Variants in CDH18 observed in about 807,000 individuals in gnomAD.
The protein encoded by CDH18 is cadherin-18.
A neutral mutation model predicts 67.9 loss-of-function variants in CDH18; 31 were observed. That is an observed-to-expected ratio of 0.46 (90% CI 0.34 to 0.62). The LOEUF (loss-of-function observed/expected upper bound fraction) is 0.62. CDH18 is among the 20% of genes least tolerant of loss of function. The pLI, the probability that CDH18 is intolerant of heterozygous loss-of-function variation, is 0.01. For synonymous variants in CDH18, 362 were observed against 347.2 expected (o/e 1.04, Z -0.48); for missense variants, 890 against 975.5 (o/e 0.91, Z 1.17).
rs1374495891 is a variant in CDH18 at position 19,717,614 on chromosome 5, C to T, written c.643+3733G>A. On this transcript the variant is annotated intron_variant, in intron 5 of 12. Transcript: ENST00000382275. ...TGATTTATTTTTAACTCAGTTTACA[C>T]TATAATAACTGAAGTAAGAGTGAGA... Among the ~76,000 whole-genome samples, 3 of 152,032 alleles carry T rather than the reference C, an allele frequency of 2.0e-5. No individual in the cohort carries two copies. In the East Asian group the frequency reaches 5.8e-4, roughly 29 times the overall value.
intron 1 of CDH18, among the ~76,000 whole-genome samples, chr5:20,424,286 T>C (rs764210480): frequency 3.3e-5 from 5 of 150,932 alleles, no homozygotes; most frequent in Non-Finnish European, 5.9e-5. Flanking sequence ...GGGAAAATAT[T>C]GTTTTCATCG....
chr5:20,466,690 A>G (rs1751655776), intron 1 of CDH18, among the ~76,000 whole-genome samples: 1 of 152,030 alleles, frequency 6.6e-6, no homozygotes, highest in South Asian at 2.1e-4. Flanking sequence ...GTGTTGCGTC[A>G]TCAGAGACTC....
At chr5:19,612,877 A>G (rs1329945037) in intron 5 of CDH18, among the ~76,000 whole-genome samples, 2 of 152,080 alleles carry the variant, frequency 1.3e-5, no homozygotes, top group Non-Finnish European at 2.9e-5. Context: ...GCGGTGGCTC[A>G]CGCCTGTAAT....
At chr5:20,260,037 A>G (rs562512861) in intron 1 of CDH18, among the ~76,000 whole-genome samples, 1 of 151,994 alleles carries the variant, frequency 6.6e-6, no homozygotes, top group Non-Finnish European at 1.5e-5. Context: ...TCAAAACGTC[A>G]AGAAGACTTA....
chr5:20,360,885 C>T (rs1742035050), intron 1 of CDH18, among the ~76,000 whole-genome samples: 1 of 152,016 alleles, frequency 6.6e-6, no homozygotes, highest in African/African-American at 2.4e-5. Context: ...TTTACCTCCT[C>T]ACTCACAAAA....
rs1427554807 is a variant in CDH18 at position 19,578,493 on chromosome 5, C to T, written c.1000-6661G>A. 2.0e-5 allele frequency among the ~76,000 whole-genome samples: 3 copies of T among 151,392 alleles called. 1 individual carries two copies. Among genetic ancestry groups the T allele is most frequent in the Non-Finnish European group, 4.4e-5 (3 of 67,856 alleles). On this transcript the variant is annotated intron_variant, in intron 7 of 12. Transcript: ENST00000382275. ...AAAATATTGTTATAATGTTTTCAAG[C>T]TGCTTATTTTCTATGTCTTTCATGT... is the stretch of plus-strand genomic sequence containing the variant.
chr5:20,047,007 A>C (rs972181040), intron 2 of CDH18, among the ~76,000 whole-genome samples: 2 of 151,498 alleles, frequency 1.3e-5, no homozygotes, highest in Non-Finnish European at 2.9e-5. Context: ...AGTATAATAC[A>C]AAAAAAACAA....
At chr5:20,091,585 T>A (rs996164062) in intron 2 of CDH18, among the ~76,000 whole-genome samples, 3 of 152,144 alleles carry the variant, frequency 2.0e-5, no homozygotes, top group African/African-American at 7.2e-5. Flanking sequence ...TCATAATCAT[T>A]ATAGCTCAGC....
chr5:20,319,197 T>A (rs906656507), intron 1 of CDH18, among the ~76,000 whole-genome samples: 1 of 152,236 alleles, frequency 6.6e-6, no homozygotes, highest in African/African-American at 2.4e-5. Context: ...CCCCAATTAT[T>A]TCCCTTTGGT....
chr5:19,794,011 T>C, intron 3 of CDH18, among the ~76,000 whole-genome samples: 1 of 152,118 alleles, frequency 6.6e-6, no homozygotes, highest in Non-Finnish European at 1.5e-5. Flanking sequence ...TCTTGAAAAA[T>C]ATTTGATTAT....
At chr5:20,536,376 A>T (rs1756722319) in intron 1 of CDH18, among the ~76,000 whole-genome samples, 1 of 152,194 alleles carries the variant, frequency 6.6e-6, no homozygotes, top group Admixed American at 6.6e-5. Flanking sequence ...AAGAATGTCA[A>T]TGCTCAGGAT....
At chr5:19,957,344 AT>A (rs1796346942) in intron 2 of CDH18, among the ~76,000 whole-genome samples, 1 of 151,000 alleles carries the variant, frequency 6.6e-6, no homozygotes, top group African/African-American at 2.4e-5. Context: ...TATAATTTAT[AT>A]TTATATGTCA....
chr5:19,869,745 A>C (rs536575369), intron 2 of CDH18, among the ~76,000 whole-genome samples: 20 of 152,016 alleles, frequency 1.3e-4, no homozygotes, highest in Non-Finnish European at 2.8e-4. Context: ...TATTTACATT[A>C]TTGGGGCTAA....
chr5:19,748,112 C>CAAAAAAAAAAAAAAA (rs766955714), intron 3 of CDH18, among the ~76,000 whole-genome samples: 1,444 of 14,848 alleles, frequency 0.097, 652 homozygotes, highest in South Asian at 0.19. Flanking sequence ...GACTCCATCT[C>CAAAAAAAAAAAAAAA]AAAAAAAAAA....
At chr5:20,436,371 C>G (rs973702507) in intron 1 of CDH18, among the ~76,000 whole-genome samples, 3 of 151,842 alleles carry the variant, frequency 2.0e-5, no homozygotes, top group African/African-American at 7.2e-5. Flanking sequence ...ACTCAGACTT[C>G]CCACTATTCT....
chr5:20,044,362 T>C (rs2150478519), intron 2 of CDH18, among the ~76,000 whole-genome samples: 1 of 152,240 alleles, frequency 6.6e-6, no homozygotes, highest in East Asian at 1.9e-4. Context: ...TTTTTTATTA[T>C]GATGTACCCT....
intron 1 of CDH18, among the ~76,000 whole-genome samples, chr5:20,370,736 T>G (rs1562010150): frequency 6.6e-6 from 1 of 152,116 alleles, no homozygotes; most frequent in Non-Finnish European, 1.5e-5. Context: ...AAGAAAGTGT[T>G]ACTAGTTAGA....
intron 2 of CDH18, among the ~76,000 whole-genome samples, chr5:19,967,532 T>G (rs1797578092): frequency 6.6e-6 from 1 of 152,110 alleles, no homozygotes; most frequent in Non-Finnish European, 1.5e-5. Flanking sequence ...AACTTTAATG[T>G]TACTAAGCTT....
chr5:20,301,507 A>G (rs1735902201), intron 1 of CDH18, among the ~76,000 whole-genome samples: 1 of 152,150 alleles, frequency 6.6e-6, no homozygotes, highest in Admixed American at 6.5e-5. Flanking sequence ...CCTCCCCATC[A>G]TCTACCATAC....
Sources: allele counts gnomAD v4.1 joint callset (sites outside exome capture counted in the v4.1 genomes callset), GRCh38; gene constraint gnomAD v4.1.1; transcripts MANE v1.5; gene names NCBI Gene and HGNC (gene_info 2026-07-23, HGNC 2026-07-21).